BRWD3: variants seen among roughly 807,000 people sequenced by gnomAD.
The protein encoded by BRWD3 is bromodomain and WD repeat-containing protein 3.
BRWD3 carries 10 observed loss-of-function variants against 149.7 expected under a neutral mutation model. The ratio of observed to expected loss-of-function variants is 0.07; its 90% CI spans 0.04 to 0.11. BRWD3 has a LOEUF of 0.11. Ranked by LOEUF, BRWD3 falls within the 10% of genes least tolerant of loss-of-function variation. The probability of loss-of-function intolerance (pLI) is 1.00; values close to 1 mark genes in which losing one functional copy is unlikely to be tolerated. For synonymous variants in BRWD3, 504 were observed against 456.7 expected, an observed-to-expected ratio of 1.10 and a Z score of -1.32; for missense variants, 940 against 1,373.2, an observed-to-expected ratio of 0.68 and a Z score of 4.99.
In BRWD3 at chrX:80,791,871, A is replaced by G; in HGVS notation, c.413T>C (p.Val138Ala). 3.3e-6 allele frequency: 4 copies of G among 1,204,204 alleles called. No homozygotes were observed. The highest frequency in any genetic ancestry group is 4.5e-6 in the Non-Finnish European group (4 of 889,061). The change falls in exon 6 of 41, where the codon GTG (valine) becomes GCG (alanine). Residue 138 changes from valine (V) to alanine (A), a missense_variant. By Grantham distance (64) the Val-to-Ala change is moderately conservative (BLOSUM62 0). Coordinates refer to ENST00000373275, the MANE Select transcript of BRWD3 (RefSeq NM_153252.5). ...GRPPELPVNYVKPPNVVNITS... is the reference protein window; with the variant it reads ...GRPPELPVNYAKPPNVVNITS... ...TTACTCACCCACATTTGGAGGTTTC[A>G]CATAATTTACAGGTAGTTCTGGAGG...
Position 80,809,303 on chromosome X carries a change from C to T in BRWD3, c.33G>A (p.Glu11=), listed in dbSNP as rs139071237. 6,100 of 1,191,002 alleles carry T rather than the reference C, an allele frequency of 5.1e-3. 13 individuals carry two copies. The highest frequency in any genetic ancestry group is 6.1e-3 in the Non-Finnish European group (5,393 of 884,065). Residue 11 remains glutamate, a splice_region_variant and synonymous_variant, in exon 2 of 41, where the codon GAG becomes GAA. Transcript: ENST00000373275. MAAAPTQIEA[E]LYYLIARFLQ... ...AGAACCTAGCGATCAGGTAATACAG[C>T]TCTGGGGAAGAGGGGGGAAAAGAGG...
chrX:80,743,262 G>T (rs1049954028), intron 8 of BRWD3, among the ~76,000 whole-genome samples: 2 of 111,870 alleles, frequency 1.8e-5, no homozygotes, highest in African/African-American at 6.5e-5. Flanking sequence ...GATCATGGTG[G>T]ATAAGCTTTT....
chrX:80,797,077 C>G (rs1303950933), intron 4 of BRWD3, among the ~76,000 whole-genome samples: 1 of 111,720 alleles, frequency 9.0e-6, no homozygotes, highest in Non-Finnish European at 1.9e-5. Context: ...TCCTAAAATC[C>G]TAGTTTATAA....
At chrX:80,789,469 G>A (rs1451919337) in intron 6 of BRWD3, among the ~76,000 whole-genome samples, 2 of 111,629 alleles carry the variant, frequency 1.8e-5, no homozygotes, top group African/African-American at 3.3e-5. Context: ...TCCGCCTCCC[G>A]GGTTCACGCC....
At position 80,679,580 on chromosome X, in the gene BRWD3, CA is replaced by C. The variant is rs199589092; in HGVS notation, c.4654+1760del. 4.5e-4 allele frequency among the ~76,000 whole-genome samples: 50 copies of C among 111,223 alleles called. No individual in the cohort carries two copies. In the East Asian group the frequency reaches 0.012, roughly 26 times the overall value. On this transcript the variant is annotated intron_variant, in intron 40 of 40. Transcript: ENST00000373275. ...ATCCTTTATTTGTGGAAGACAAAAA[CA>C]AGCAAAAAACAGTGGCAAACTGCAA...
chrX:80,673,555 C>A lies in BRWD3; in HGVS notation c.*3054G>T, dbSNP rs1009551740. 9.0e-6 allele frequency: 1 copy of A among 111,092 alleles called. No homozygotes were observed. Among genetic ancestry groups the A allele is most frequent in the African/African-American group, 3.3e-5 (1 of 30,557 alleles). 9.2% of individuals were successfully genotyped at this position (111,092 alleles called of 1,213,427 possible). On this transcript the variant is annotated 3_prime_UTR_variant, in exon 41 of 41. Transcript: ENST00000373275. ...CATATACAAAAATTTAGTAAGTAGG[C>A]TAGTAGGCTAGTGAATGTTTTAGAG...
chrX:80,726,030 T>TGTTTACATGTTATGTCTATATAACAC lies in BRWD3; in HGVS notation c.1387-964_1387-963insGTGTTATATAGACATAACATGTAAAC, dbSNP rs1491007028. On this transcript the variant is annotated intron_variant, in intron 14 of 40. Transcript: ENST00000373275. ...ACATGTTATATGTCTATATAACATATAACATGTTTACATGTTATGTCTATA... is the reference window on the plus strand; with the variant it reads ...ACATGTTATATGTCTATATAACATATGTTTACATGTTATGTCTATATAACACAACATGTTTACATGTTATGTCTATA... Among the ~76,000 whole-genome samples, 10 of 106,582 alleles carry TGTTTACATGTTATGTCTATATAACAC rather than the reference T, an allele frequency of 9.4e-5. 1 individual carries two copies. Among genetic ancestry groups the TGTTTACATGTTATGTCTATATAACAC allele is most frequent in the African/African-American group, 3.1e-4 (9 of 29,245 alleles). The allele number at this position is 106,582 out of a possible 115,157, so 92.6% of individuals were successfully genotyped here.
At chrX:80,687,339 C>T (rs766205109) in intron 34 of BRWD3, among the ~76,000 whole-genome samples, 38 of 111,369 alleles carry the variant, frequency 3.4e-4, no homozygotes, top group African/African-American at 1.2e-3. Context: ...GTTAAGTATA[C>T]TTGACAATGG....
intron 6 of BRWD3, among the ~76,000 whole-genome samples, chrX:80,760,125 G>T (rs1015321510): frequency 2.7e-5 from 3 of 111,807 alleles, no homozygotes; most frequent in Admixed American, 9.5e-5. Context: ...CCTAATATTT[G>T]TAAGTATTCT....
chrX:80,804,670 A>G (rs1298308350), intron 4 of BRWD3, among the ~76,000 whole-genome samples: 1 of 112,284 alleles, frequency 8.9e-6, no homozygotes, highest in Admixed American at 9.5e-5. Context: ...ATTTAAACAC[A>G]CACAACCTTG....
chrX:80,766,723 CCAA>C (rs2073862507), intron 6 of BRWD3, among the ~76,000 whole-genome samples: 1 of 111,985 alleles, frequency 8.9e-6, no homozygotes, highest in African/African-American at 3.2e-5. Flanking sequence ...TTCTGCATTT[CCAA>C]CAGAGGTAGC....
At chrX:80,790,971 A>T (rs1454457014) in intron 6 of BRWD3, among the ~76,000 whole-genome samples, 1 of 111,885 alleles carries the variant, frequency 8.9e-6, no homozygotes, top group Non-Finnish European at 1.9e-5. Flanking sequence ...AGCTATGGAA[A>T]AGTATTTTTA....
In BRWD3 at chrX:80,707,444, T is replaced by A. The variant is rs145526845; in HGVS notation, c.2535A>T (p.Gln845His). The A allele has an allele frequency of 1.6e-5, 19 of 1,209,789 alleles. No homozygotes were observed. Among genetic ancestry groups the A allele is most frequent in the Non-Finnish European group, 2.0e-5 (18 of 894,489 alleles). The change falls in exon 22 of 41, where the codon CAA becomes CAT. Residue 845 changes from glutamine to histidine, a missense_variant. This residue lies in a region of BRWD3 where 158 missense variants were observed against 284.0 expected (regional missense o/e 0.56). Coordinates refer to ENST00000373275, the MANE Select transcript of BRWD3 (RefSeq NM_153252.5). ...ASVEDPVVEW[Q>H]SESSSSDSSS... ...AAAACTACCTGGAAGAACTTTCACT[T>A]TGCCATTCAACAACAGGATCCTCTA...
chrX:80,768,664 T>G (rs911058888), intron 6 of BRWD3, among the ~76,000 whole-genome samples: 1 of 111,300 alleles, frequency 9.0e-6, no homozygotes, highest in Non-Finnish European at 1.9e-5. Context: ...AGGAAGAAAC[T>G]GCATCAACTA....
chrX:80,793,575 T>A lies in BRWD3; in HGVS notation c.331+47A>T, dbSNP rs777536604. The A allele has an allele frequency of 5.2e-6, 6 of 1,155,942 alleles. No individual in the cohort carries two copies. In the Admixed American group the frequency reaches 1.1e-4, roughly 21 times the overall value. On this transcript the variant is annotated intron_variant, in intron 5 of 40. Coordinates refer to ENST00000373275, the MANE Select transcript of BRWD3 (RefSeq NM_153252.5). ...TACTCAATCTAAAAATAAGCTACTC[T>A]CCACTCCTTCCTCTGATATCACAGT...
chrX:80,730,999 G>A (rs977331730), intron 12 of BRWD3, among the ~76,000 whole-genome samples: 1 of 111,534 alleles, frequency 9.0e-6, no homozygotes, highest in African/African-American at 3.3e-5. Flanking sequence ...ATAATGCTGT[G>A]ATGAACATCT....
intron 23 of BRWD3, among the ~76,000 whole-genome samples, chrX:80,704,361 TA>T (rs757844466): frequency 3.3e-4 from 37 of 112,124 alleles, no homozygotes; most frequent in African/African-American, 1.1e-3. Context: ...ATGACAAGAA[TA>T]ATAATGTTGT....
chrX:80,670,868 C>A lies in BRWD3; in HGVS notation c.*5741G>T, dbSNP rs139358289. On this transcript the variant is annotated 3_prime_UTR_variant, in exon 41 of 41. Coordinates refer to ENST00000373275, the MANE Select transcript of BRWD3 (RefSeq NM_153252.5). ...AATCAGTCTACTTTTTTCCTAAATGCATTTTTTTTATTCTAAATACACAAA... is the reference window on the plus strand; with the variant it reads ...AATCAGTCTACTTTTTTCCTAAATGAATTTTTTTTATTCTAAATACACAAA... The A allele has an allele frequency of 1.3e-4, 14 of 111,506 alleles. No individual in the cohort carries two copies. The East Asian group carries it at 4.0e-3, about 32-fold the overall frequency. 9.2% of individuals were successfully genotyped at this position (111,506 alleles called of 1,213,427 possible).
intron 36 of BRWD3, 82 bp from the exon 37 acceptor site, chrX:80,684,244 G>C: frequency 1.2e-6 from 1 of 858,774 alleles, no homozygotes; most frequent in Non-Finnish European, 1.7e-6. Flanking sequence ...CACCTACTAC[G>C]ATCCACCATG....
Sources: allele counts gnomAD v4.1 joint callset (sites outside exome capture counted in the v4.1 genomes callset), GRCh38; gene constraint gnomAD v4.1.1; regional missense constraint gnomAD v4.1.1; transcripts MANE v1.5; gene names NCBI Gene and HGNC (gene_info 2026-07-23, HGNC 2026-07-21).